The following ADCY2 variants were observed in gnomAD, a reference collection of about 807,000 sequenced individuals.
ADCY2 encodes adenylate cyclase type 2.
ADCY2 carries 31 observed loss-of-function variants against 125.2 expected under a neutral mutation model. That is an observed-to-expected ratio of 0.25 (90% CI 0.19 to 0.33). The LOEUF (loss-of-function observed/expected upper bound fraction) is 0.33. Ranked by LOEUF, ADCY2 falls within the 10% of genes least tolerant of loss-of-function variation. The pLI, the probability that ADCY2 is intolerant of heterozygous loss-of-function variation, is 1.00. For synonymous variants in ADCY2, 512 were observed against 548.4 expected (o/e 0.93, Z 0.93); for missense variants, 904 against 1,418.2 (o/e 0.64, Z 5.82).
At chr5:7,480,077 A>G (rs1216348604) in intron 2 of ADCY2, among the ~76,000 whole-genome samples, 1 of 152,170 alleles carries the variant, frequency 6.6e-6, no homozygotes, top group Non-Finnish European at 1.5e-5. Context: ...CATCTCACAT[A>G]AGTCAGGATG....
intron 3 of ADCY2, among the ~76,000 whole-genome samples, chr5:7,603,302 G>A (rs919927823): frequency 2.6e-5 from 4 of 152,128 alleles, no homozygotes; most frequent in African/African-American, 9.7e-5. Context: ...GTCTTGAAGA[G>A]CTGATCAGCA....
intron 4 of ADCY2, among the ~76,000 whole-genome samples, chr5:7,677,397 A>G (rs1740167322): frequency 6.6e-6 from 1 of 152,240 alleles, no homozygotes; most frequent in African/African-American, 2.4e-5. Context: ...GATGGAAAAC[A>G]TGAACGGTTC....
chr5:7,499,575 T>G (rs1469794143), intron 2 of ADCY2, among the ~76,000 whole-genome samples: 1 of 150,042 alleles, frequency 6.7e-6, no homozygotes, highest in Non-Finnish European at 1.5e-5. Context: ...AAGGATATAA[T>G]TTAAAGCTAA....
chr5:7,778,427 A>G (rs1743811313), intron 18 of ADCY2, among the ~76,000 whole-genome samples: 1 of 152,250 alleles, frequency 6.6e-6, no homozygotes, highest in Non-Finnish European at 1.5e-5. Context: ...CTAAAGACCA[A>G]TTAGTTCTGT....
intron 2 of ADCY2, among the ~76,000 whole-genome samples, chr5:7,431,350 A>G (rs374474024): frequency 6.6e-6 from 1 of 152,194 alleles, no homozygotes; most frequent in East Asian, 1.9e-4. Flanking sequence ...TTTTGTGCAA[A>G]AACTAAACTT....
chr5:7,706,994 A>T, intron 8 of ADCY2, 92 bp downstream of exon 8: 1 of 1,507,214 alleles, frequency 6.6e-7, no homozygotes, highest in South Asian at 1.3e-5. Context: ...TCAGTTTTTG[A>T]TCACTTCTGT....
intron 3 of ADCY2, among the ~76,000 whole-genome samples, chr5:7,598,330 T>C (rs1737078691): frequency 6.6e-6 from 1 of 152,138 alleles, no homozygotes; most frequent in African/African-American, 2.4e-5. Flanking sequence ...TGAGCCTAAA[T>C]ATGGACTTCT....
At chr5:7,659,342 C>T (rs1196333345) in intron 4 of ADCY2, among the ~76,000 whole-genome samples, 1 of 152,172 alleles carries the variant, frequency 6.6e-6, no homozygotes, top group African/African-American at 2.4e-5. Context: ...AACATGACTT[C>T]TTTGTGTGTA....
At chr5:7,496,355 A>G (rs1240234191) in intron 2 of ADCY2, among the ~76,000 whole-genome samples, 1 of 152,206 alleles carries the variant, frequency 6.6e-6, no homozygotes, top group Non-Finnish European at 1.5e-5. Flanking sequence ...CGAAGACTAA[A>G]GAGGGTGTGT....
chr5:7,517,644 C>A (rs939263275), intron 2 of ADCY2, among the ~76,000 whole-genome samples: 1 of 152,160 alleles, frequency 6.6e-6, no homozygotes, highest in African/African-American at 2.4e-5. Flanking sequence ...GCGCAATTGA[C>A]CCTTGAAAAT....
At chr5:7,494,031 C>G (rs1415313314) in intron 2 of ADCY2, among the ~76,000 whole-genome samples, 1 of 152,106 alleles carries the variant, frequency 6.6e-6, no homozygotes, top group Non-Finnish European at 1.5e-5. Context: ...CCCTCCTGCT[C>G]TGTGCAATGT....
chr5:7,470,645 TG>T, intron 2 of ADCY2, among the ~76,000 whole-genome samples: 1 of 150,648 alleles, frequency 6.6e-6, no homozygotes, highest in Non-Finnish European at 1.5e-5. Flanking sequence ...TGTGTGTGTG[TG>T]TGTGTGTGTG....
At chr5:7,557,583 C>T (rs1369863884) in intron 3 of ADCY2, among the ~76,000 whole-genome samples, 2 of 152,078 alleles carry the variant, frequency 1.3e-5, no homozygotes, top group Non-Finnish European at 2.9e-5. Context: ...TCCATGTGTT[C>T]TCATTTAGCT....
chr5:7,489,732 T>A (rs1743088537), intron 2 of ADCY2, among the ~76,000 whole-genome samples: 1 of 152,196 alleles, frequency 6.6e-6, no homozygotes, highest in South Asian at 2.1e-4. Flanking sequence ...GAGGGACATT[T>A]GGACTGAGAG....
At chr5:7,630,079 C>A (rs1183995918) in intron 4 of ADCY2, among the ~76,000 whole-genome samples, 1 of 152,062 alleles carries the variant, frequency 6.6e-6, no homozygotes, top group South Asian at 2.1e-4. Context: ...AAATACTAGT[C>A]GGGCGAGGCT....
intron 4 of ADCY2, among the ~76,000 whole-genome samples, chr5:7,669,719 C>T (rs1739870003): frequency 6.6e-6 from 1 of 152,196 alleles, no homozygotes; most frequent in African/African-American, 2.4e-5. Context: ...ACAGGGTTTT[C>T]TTCCAGTCCA....
Position 7,717,163 on chromosome 5 carries a change from G to A in ADCY2, c.1629G>A (p.Lys543=), listed in dbSNP as rs1387240361. 1 of 1,606,726 alleles carries A rather than the reference G, an allele frequency of 6.2e-7. No homozygotes were observed. The highest frequency in any genetic ancestry group is 8.5e-7 in the Non-Finnish European group (1 of 1,174,882). ...TATTCCATTTTTCATATAGAACCAAGTCACAAAAGAAGAGATTTGAAGAAG... is the reference window on the plus strand; with the variant it reads ...TATTCCATTTTTCATATAGAACCAAATCACAAAAGAAGAGATTTGAAGAAG... ...HNFQNRTLRT[K]SQKKRFEEEL... The change falls in exon 12 of 25, where the codon AAG becomes AAA. Residue 543 remains lysine, a synonymous_variant. Transcript: ENST00000338316.
intron 2 of ADCY2, among the ~76,000 whole-genome samples, chr5:7,444,278 T>A (rs1263182718): frequency 2.7e-5 from 4 of 150,862 alleles, no homozygotes; most frequent in African/African-American, 9.8e-5. Context: ...CACGCCTGGT[T>A]AATTTTTTTT....
At chr5:7,561,911 T>C (rs1381239357) in intron 3 of ADCY2, among the ~76,000 whole-genome samples, 2 of 152,186 alleles carry the variant, frequency 1.3e-5, no homozygotes, top group Non-Finnish European at 2.9e-5. Flanking sequence ...TGATTCTCTA[T>C]AATACTAAGT....
Sources: gnomAD v4.1 joint callset for allele counts (sites outside exome capture counted in the v4.1 genomes callset) on GRCh38, gnomAD v4.1.1 for gene constraint, MANE v1.5 for transcripts, NCBI Gene and HGNC (gene_info 2026-07-23, HGNC 2026-07-21) for gene names.